The following NOX4 variants were observed in gnomAD, a reference collection of about 807,000 sequenced individuals.
NOX4 encodes NADPH oxidase 4.
Under a neutral mutation model 87.6 loss-of-function variants are expected in NOX4, and 69 were observed. The ratio of observed to expected loss-of-function variants is 0.79; its 90% CI spans 0.65 to 0.96. NOX4 has a LOEUF of 0.96. NOX4 is among the 40% of genes least tolerant of loss of function. The probability of loss-of-function intolerance (pLI) is 0.00; values close to 1 mark genes in which losing one functional copy is unlikely to be tolerated. For missense variants in NOX4, 680 were observed against 681.5 expected (o/e 1.00, Z 0.02); for synonymous variants, 275 against 238.2 (o/e 1.15, Z -1.42).
intron 13 of NOX4, among the ~76,000 whole-genome samples, chr11:89,347,620 C>T (rs1210908946): frequency 6.6e-6 from 1 of 152,174 alleles, no homozygotes; most frequent in South Asian, 2.1e-4. Flanking sequence ...ATCATGAGGA[C>T]TTAAACCAGA....
chr11:89,570,489 G>A, the NOX4 span, among the ~76,000 whole-genome samples: 2 of 151,652 alleles, frequency 1.3e-5, no homozygotes, highest in East Asian at 1.9e-4. Context: ...TGTACCCCTC[G>A]AACCTAAAAA....
At chr11:89,530,997 C>T in the NOX4 span, among the ~76,000 whole-genome samples, 1 of 152,122 alleles carries the variant, frequency 6.6e-6, no homozygotes, top group Non-Finnish European at 1.5e-5. Context: ...AGTGACCCAG[C>T]TGCAATCTTC....
intron 8 of NOX4, among the ~76,000 whole-genome samples, chr11:89,405,597 AAGAC>A (rs957949063): frequency 5.3e-5 from 8 of 151,600 alleles, no homozygotes; most frequent in Non-Finnish European, 1.0e-4. Flanking sequence ...ATAAGATCTA[AAGAC>A]AGACAATGAT....
At chr11:89,334,133 T>C (rs551389097) in intron 17 of NOX4, among the ~76,000 whole-genome samples, 2 of 151,782 alleles carry the variant, frequency 1.3e-5, no homozygotes, top group Non-Finnish European at 3.0e-5. Flanking sequence ...TTCAGCAATA[T>C]ACAGTGAAAA....
the NOX4 span, among the ~76,000 whole-genome samples, chr11:89,582,931 C>T: frequency 1.3e-5 from 2 of 152,138 alleles, no homozygotes. Context: ...GCCTGTTCCT[C>T]CTATACAGGA....
At chr11:89,366,484 T>C (rs1194413654) in intron 12 of NOX4, among the ~76,000 whole-genome samples, 3 of 152,004 alleles carry the variant, frequency 2.0e-5, no homozygotes, top group Non-Finnish European at 4.4e-5. Flanking sequence ...TTGATTAGCC[T>C]GAGCAACATG....
the NOX4 span, among the ~76,000 whole-genome samples, chr11:89,523,065 G>A: frequency 1.3e-5 from 2 of 150,860 alleles, no homozygotes; most frequent in African/African-American, 2.4e-5. Flanking sequence ...TTGCTCTGTC[G>A]CCAGGCTGAA....
intron 12 of NOX4, among the ~76,000 whole-genome samples, chr11:89,365,801 T>C (rs548912192): frequency 2.1e-5 from 3 of 146,064 alleles, no homozygotes; most frequent in Non-Finnish European, 4.5e-5. Flanking sequence ...TTATGTTTTA[T>C]GAAGTTCAAA....
chr11:89,483,889 A>G (rs1330184382), intron 2 of NOX4, among the ~76,000 whole-genome samples: 1 of 152,110 alleles, frequency 6.6e-6, no homozygotes, highest in Non-Finnish European at 1.5e-5. Context: ...GTCAATTAAA[A>G]TTTTATAAAA....
intron 2 of NOX4, among the ~76,000 whole-genome samples, chr11:89,471,057 G>A (rs1014966107): frequency 3.3e-4 from 50 of 152,086 alleles, no homozygotes; most frequent in Non-Finnish European, 3.4e-4. Flanking sequence ...GGCTTGCTAG[G>A]GCCCATATCC....
intron 7 of NOX4, among the ~76,000 whole-genome samples, chr11:89,426,577 C>A (rs1322894102): frequency 1.3e-5 from 2 of 152,158 alleles, no homozygotes; most frequent in African/African-American, 4.8e-5. Context: ...GAGATTATAT[C>A]CCACGCATGT....
the NOX4 span, chr11:89,577,314 A>T: frequency 6.6e-6 from 1 of 152,202 alleles, no homozygotes; most frequent in African/African-American, 2.4e-5. Flanking sequence ...TAGAAGATTA[A>T]GTCACAGGAT....
At chr11:89,457,855 A>G (rs75042498) in intron 2 of NOX4, among the ~76,000 whole-genome samples, 8,858 of 152,196 alleles carry the variant, frequency 0.058, 787 homozygotes, top group African/African-American at 0.2. Flanking sequence ...AACCAGGTAA[A>G]TAAAACACCT....
the NOX4 span, among the ~76,000 whole-genome samples, chr11:89,546,077 T>C: frequency 6.6e-6 from 1 of 152,222 alleles, no homozygotes; most frequent in Non-Finnish European, 1.5e-5. Flanking sequence ...AAAGTAACAT[T>C]AGTTATTAAC....
chr11:89,475,499 A>C (rs1004495178), intron 2 of NOX4, among the ~76,000 whole-genome samples: 2 of 152,012 alleles, frequency 1.3e-5, no homozygotes, highest in Non-Finnish European at 2.9e-5. Context: ...TGCATGATAA[A>C]CTTCTAAAAA....
At chr11:89,368,025 G>A (rs1202746185) in intron 12 of NOX4, among the ~76,000 whole-genome samples, 1 of 151,848 alleles carries the variant, frequency 6.6e-6, no homozygotes, top group African/African-American at 2.4e-5. Flanking sequence ...TCTTCCATTT[G>A]CTCCTGGAAC....
chr11:89,344,654 T>C (rs1256664913), intron 13 of NOX4, among the ~76,000 whole-genome samples: 2 of 152,178 alleles, frequency 1.3e-5, no homozygotes, highest in African/African-American at 2.4e-5. Context: ...TAATCCAAGG[T>C]TGGTACTGAA....
the NOX4 span, among the ~76,000 whole-genome samples, chr11:89,571,550 C>T: frequency 1.3e-5 from 2 of 152,154 alleles, no homozygotes; most frequent in African/African-American, 4.8e-5. Flanking sequence ...CCGCCTGGGC[C>T]TCCCAAAGTG....
chr11:89,537,616 C>A, the NOX4 span, among the ~76,000 whole-genome samples: 1 of 151,740 alleles, frequency 6.6e-6, no homozygotes, highest in Non-Finnish European at 1.5e-5. Flanking sequence ...CACTCAGGGC[C>A]CCCCCGAGGC....
Sources: allele counts gnomAD v4.1 joint callset (sites outside exome capture counted in the v4.1 genomes callset), GRCh38; gene constraint gnomAD v4.1.1; transcripts MANE v1.5; gene names NCBI Gene and HGNC (gene_info 2026-07-23, HGNC 2026-07-21).